SUMF1: variants seen among roughly 807,000 people sequenced by gnomAD.
SUMF1 encodes sulfatase modifying factor 1, also known as formylglycine-generating enzyme.
A neutral mutation model predicts 47.6 loss-of-function variants in SUMF1; 48 were observed. The ratio of observed to expected loss-of-function variants is 1.01; its 90% confidence interval spans 0.80 to 1.28. The LOEUF (loss-of-function observed/expected upper bound fraction) is 1.28. Ranked by LOEUF, SUMF1 falls within the 50% of genes most tolerant of loss-of-function variation. The pLI, the probability that SUMF1 is intolerant of heterozygous loss-of-function variation, is 0.00. For synonymous variants in SUMF1, 230 were observed against 192.1 expected (o/e 1.20, Z -1.63); for missense variants, 571 against 485.4 (o/e 1.18, Z -1.66).
At chr3:4,080,105 T>C (rs1692527729) in intron 8 of SUMF1, among the ~76,000 whole-genome samples, 3 of 152,032 alleles carry the variant, frequency 2.0e-5, no homozygotes, top group Non-Finnish European at 4.4e-5. Context: ...CTTTTACCCG[T>C]AGTTCACTGG....
intron 3 of SUMF1, among the ~76,000 whole-genome samples, chr3:4,423,279 T>TACACACACACACAC (rs56729932): frequency 2.7e-5 from 4 of 147,126 alleles, no homozygotes; most frequent in African/African-American, 7.6e-5. Context: ...GAAACTGTGA[T>TACACACACACACAC]ACACACACAC....
chr3:4,124,466 G>C (rs896849127), intron 8 of SUMF1, among the ~76,000 whole-genome samples: 2 of 151,908 alleles, frequency 1.3e-5, no homozygotes, highest in Admixed American at 6.6e-5. Flanking sequence ...AATTTTAATT[G>C]TTCTAATCCC....
chr3:4,425,702 T>C (rs1388434521), intron 3 of SUMF1, among the ~76,000 whole-genome samples: 1 of 152,172 alleles, frequency 6.6e-6, no homozygotes, highest in Non-Finnish European at 1.5e-5. Flanking sequence ...AGCAGCACCA[T>C]GAGGGTAGGG....
At chr3:4,129,030 G>C (rs1693723841) in intron 8 of SUMF1, among the ~76,000 whole-genome samples, 1 of 152,164 alleles carries the variant, frequency 6.6e-6, no homozygotes, top group Non-Finnish European at 1.5e-5. Context: ...TGGGATGGTG[G>C]AGTGGATTAG....
chr3:4,367,991 C>A (rs1202752656), intron 8 of SUMF1, among the ~76,000 whole-genome samples: 2 of 151,950 alleles, frequency 1.3e-5, no homozygotes, highest in Non-Finnish European at 2.9e-5. Context: ...CAAATGGGAT[C>A]TAATTAAACT....
intron 8 of SUMF1, among the ~76,000 whole-genome samples, chr3:4,217,928 G>A (rs975223658): frequency 2.0e-5 from 3 of 151,876 alleles, no homozygotes; most frequent in Non-Finnish European, 2.9e-5. Flanking sequence ...CTACTTTCAC[G>A]TCCACAAGTG....
At chr3:4,456,617 A>AATAT (rs113780952) in intron 1 of SUMF1, among the ~76,000 whole-genome samples, 53 of 124,246 alleles carry the variant, frequency 4.3e-4, no homozygotes, top group Middle Eastern at 4.1e-3. Context: ...ACACCAGGCT[A>AATAT]ATATATATAT....
intron 8 of SUMF1, among the ~76,000 whole-genome samples, chr3:4,159,380 C>T (rs1198116500): frequency 6.6e-6 from 1 of 151,024 alleles, no homozygotes; most frequent in East Asian, 1.9e-4. Flanking sequence ...CTGAGGACAA[C>T]TTAACACTGA....
At chr3:4,071,880 T>C (rs1391822255) in intron 8 of SUMF1, among the ~76,000 whole-genome samples, 6 of 152,162 alleles carry the variant, frequency 3.9e-5, no homozygotes, top group Non-Finnish European at 7.3e-5. Context: ...TCTGCAGACT[T>C]AAACATCCCT....
chr3:4,176,375 G>T (rs1266567895), intron 8 of SUMF1, among the ~76,000 whole-genome samples: 1 of 152,148 alleles, frequency 6.6e-6, no homozygotes, highest in African/African-American at 2.4e-5. Flanking sequence ...GAGAGTGGGG[G>T]CCAATATTCA....
At chr3:4,052,094 T>C (rs999241890) in intron 9 of SUMF1, among the ~76,000 whole-genome samples, 2 of 152,224 alleles carry the variant, frequency 1.3e-5, no homozygotes, top group Non-Finnish European at 2.9e-5. Context: ...CTCATAGCTC[T>C]GGAGGCTAAC....
chr3:4,116,386 A>G (rs1383374698), intron 8 of SUMF1, among the ~76,000 whole-genome samples: 1 of 152,118 alleles, frequency 6.6e-6, no homozygotes. Context: ...AGCTACTAAC[A>G]TACATAGTTG....
At chr3:4,346,942 A>G (rs556512453) in intron 8 of SUMF1, among the ~76,000 whole-genome samples, 1 of 152,352 alleles carries the variant, frequency 6.6e-6, no homozygotes, top group African/African-American at 2.4e-5. Flanking sequence ...GAAGAAATGG[A>G]TAAATTCCTG....
At chr3:4,350,381 G>GTATAATTGTGTGTA (rs1575119781) in intron 8 of SUMF1, among the ~76,000 whole-genome samples, 1 of 110,668 alleles carries the variant, frequency 9.0e-6, no homozygotes, top group African/African-American at 2.7e-5. Context: ...AATTGTGTGT[G>GTATAATTGTGTGTA]TATAATTGTG....
intron 8 of SUMF1, among the ~76,000 whole-genome samples, chr3:4,135,206 T>C (rs994509445): frequency 5.9e-5 from 9 of 152,140 alleles, no homozygotes; most frequent in Admixed American, 5.2e-4. Flanking sequence ...TTGATGAATA[T>C]TGATGCAAAA....
rs148819451 is a variant in SUMF1, at chr3:4,082,187, C to G, written c.1015-13442G>C. Among the ~76,000 whole-genome samples the G allele has an allele frequency of 6.4e-3, 967 of 152,102 alleles. 10 individuals are homozygous for G. The highest frequency in any genetic ancestry group is 0.022 in the African/African-American group (919 of 41,456). On this transcript the variant is annotated intron_variant and NMD_transcript_variant, in intron 8 of 12. Coordinates refer to the SUMF1 transcript ENST00000448413. ...GAAATCATTATTTTAAAAAAGTTAG[C>G]CTGGGCATGGTGACTCACACCTGTA...
intron 8 of SUMF1, among the ~76,000 whole-genome samples, chr3:4,164,533 T>C (rs1424567371): frequency 1.3e-5 from 2 of 152,124 alleles, no homozygotes; most frequent in African/African-American, 4.8e-5. Context: ...TTGGACAATG[T>C]TTTTTAAGGT....
At chr3:4,466,829 A>T in intron 1 of SUMF1, 147 bp downstream of exon 1, 1 of 1,247,328 alleles carries the variant, frequency 8.0e-7, no homozygotes, top group Non-Finnish European at 1.1e-6. Flanking sequence ...ACGGAGAAGG[A>T]ACTCCTCATA....
chr3:4,228,891 C>T (rs1216132534), intron 8 of SUMF1, among the ~76,000 whole-genome samples: 3 of 151,982 alleles, frequency 2.0e-5, no homozygotes, highest in African/African-American at 7.2e-5. Context: ...CAATTTTTTC[C>T]AAATTGCGAA....
Sources: allele counts gnomAD v4.1 joint callset (sites outside exome capture counted in the v4.1 genomes callset), GRCh38; gene constraint gnomAD v4.1.1; transcripts MANE v1.5; gene names NCBI Gene and HGNC (gene_info 2026-07-23, HGNC 2026-07-21).